The following PRR11 variants were observed in gnomAD, a reference collection of about 807,000 sequenced individuals.
PRR11 encodes the protein proline-rich protein 11.
Under a neutral mutation model 45.6 loss-of-function variants are expected in PRR11, and 30 were observed. That is an observed-to-expected ratio of 0.66 (90% confidence interval 0.49 to 0.89). PRR11 has a LOEUF of 0.89. PRR11 is among the 40% of genes least tolerant of loss of function. The pLI is 0.00. For synonymous variants in PRR11, 128 were observed against 153.5 expected, an observed-to-expected ratio of 0.83 and a Z score of 1.23; for missense variants, 373 against 424.8, an observed-to-expected ratio of 0.88 and a Z score of 1.07.
rs58983044 is a variant in PRR11, at chr17:59,162,213, GACACAC to G, written c.-6+6440_-6+6445del. Among the ~76,000 whole-genome samples the G allele has an allele frequency of 2.8e-3, 388 of 139,568 alleles. 4 individuals carry two copies. In the East Asian group the frequency reaches 0.047, roughly 17 times the overall value. 91.6% of individuals were successfully genotyped at this position (139,568 alleles called of 152,430 possible). On this transcript the variant is annotated intron_variant, in intron 1 of 9. Transcript: ENST00000262293. Reference sequence around the variant, plus strand: ...ATAGAAGCACTAATAACCCAAGTCAGACACACACACACACACACACACACACACACA... The same window carrying G: ...ATAGAAGCACTAATAACCCAAGTCAGACACACACACACACACACACACACA...
rs746371496 is a variant in PRR11 at position 59,185,479 on chromosome 17, A to G, written c.319A>G (p.Ile107Val). ...VLKDTIFPSR[I>V]CHRELYSVKQ... ...GAAAGACACCATCTTTCCATCTCGT[A>G]TCTGCCACCGAGAACTTTACAGTGT... Residue 107 changes from isoleucine (I) to valine (V), a missense_variant, in exon 4 of 10, where the codon ATC (isoleucine) becomes GTC (valine). Physicochemically the swap from Ile to Val is conservative, Grantham distance 29. Transcript: ENST00000262293. 2 of 1,605,484 alleles carry G rather than the reference A, an allele frequency of 1.2e-6. No homozygotes were observed. Among genetic ancestry groups the G allele is most frequent in the Non-Finnish European group, 1.7e-6 (2 of 1,174,972 alleles).
chr17:59,194,946 G>A, intron 6 of PRR11, 91 bp downstream of exon 6: 1 of 1,023,296 alleles, frequency 9.8e-7, no homozygotes, highest in Non-Finnish European at 1.5e-6. Flanking sequence ...GACCAAGGTG[G>A]GAGGATCACC....
At chr17:59,179,790 C>A in intron 2 of PRR11, 6 of 1,362,258 alleles carry the variant, frequency 4.4e-6, no homozygotes, top group Non-Finnish European at 6.2e-6. Context: ...TCTGGCTCCT[C>A]CTCCGATGAC....
In PRR11 at chr17:59,165,802, A is replaced by C. The variant is rs554438831; in HGVS notation, c.-5-3946A>C. On this transcript the variant is annotated intron_variant, in intron 1 of 9. Coordinates refer to ENST00000262293, the MANE Select transcript of PRR11 (RefSeq NM_018304.4). ...AGCAAAACTCTGTCTCAAAAAAAAA[A>C]CAAAAACAAACAAAACAAAAAAATC... Among the ~76,000 whole-genome samples the C allele has an allele frequency of 1.9e-3, 284 of 152,256 alleles. 1 individual carries two copies. Among genetic ancestry groups the C allele is most frequent in the African/African-American group, 6.4e-3 (268 of 41,562 alleles).
At chr17:59,184,282 TGA>T (rs879439701) in intron 2 of PRR11, among the ~76,000 whole-genome samples, 2 of 151,912 alleles carry the variant, frequency 1.3e-5, no homozygotes, top group Non-Finnish European at 2.9e-5. Context: ...GCCAACATGG[TGA>T]AACCCCGTCT....
chr17:59,168,542 G>A (rs921601555), intron 1 of PRR11, among the ~76,000 whole-genome samples: 16 of 151,810 alleles, frequency 1.1e-4, no homozygotes, highest in African/African-American at 3.9e-4. Flanking sequence ...TTGGGATTAC[G>A]CCACCAGTGT....
At chr17:59,171,877 A>G (rs2046710750) in intron 2 of PRR11, among the ~76,000 whole-genome samples, 1 of 152,088 alleles carries the variant, frequency 6.6e-6, no homozygotes, top group East Asian at 1.9e-4. Context: ...GGGCACATAT[A>G]ATAATACAGA....
rs139420364 is a variant in PRR11 at position 59,157,800 on chromosome 17, G to A, written c.-6+1995G>A. 2.0e-5 allele frequency among the ~76,000 whole-genome samples: 3 copies of A among 152,060 alleles called. No homozygotes were observed. The South Asian group carries it at 6.2e-4, about 31-fold the overall frequency. ...TAGCATAGTACTTGGTGGATTATAAGCACTCAACTAATATCTATAAGATAA... is the reference window on the plus strand; with the variant it reads ...TAGCATAGTACTTGGTGGATTATAAACACTCAACTAATATCTATAAGATAA... On this transcript the variant is annotated intron_variant, in intron 1 of 9. Coordinates refer to ENST00000262293, the MANE Select transcript of PRR11 (RefSeq NM_018304.4).
At chr17:59,184,940 C>T (rs982393578) in intron 2 of PRR11, 114 bp from the exon 3 acceptor site, 4 of 733,374 alleles carry the variant, frequency 5.5e-6, no homozygotes, top group Non-Finnish European at 8.0e-6. Context: ...CAAGCAATCT[C>T]CTCACCTCAG....
chr17:59,155,986 TTA>T (rs2046621355), intron 1 of PRR11, among the ~76,000 whole-genome samples, 181 bp downstream of exon 1: 1 of 152,178 alleles, frequency 6.6e-6, no homozygotes, highest in Admixed American at 6.6e-5. Context: ...TGGCTTCATC[TTA>T]ACCATACTTC....
intron 1 of PRR11, among the ~76,000 whole-genome samples, chr17:59,167,676 C>G (rs1396757981): frequency 6.6e-6 from 1 of 152,160 alleles, no homozygotes; most frequent in Non-Finnish European, 1.5e-5. Flanking sequence ...TTTCCCAGAA[C>G]TGAGGGTTCC....
At chr17:59,159,095 C>T (rs1288606185) in intron 1 of PRR11, among the ~76,000 whole-genome samples, 3 of 152,220 alleles carry the variant, frequency 2.0e-5, no homozygotes, top group Admixed American at 6.5e-5. Context: ...GCTGGGATTA[C>T]AGGTGTGAGC....
intron 4 of PRR11, among the ~76,000 whole-genome samples, chr17:59,189,569 A>G (rs2046831523): frequency 6.6e-6 from 1 of 152,156 alleles, no homozygotes; most frequent in African/African-American, 2.4e-5. Context: ...CCTGACCTCA[A>G]GTGATCTGCC....
intron 2 of PRR11, chr17:59,178,429 A>G (rs1305730022): frequency 2.0e-6 from 1 of 489,504 alleles, no homozygotes; most frequent in African/African-American, 1.9e-5. Flanking sequence ...TCCCCCTGGC[A>G]GTGCACTGAA....
intron 1 of PRR11, among the ~76,000 whole-genome samples, chr17:59,161,237 T>C (rs1209905683): frequency 6.6e-6 from 1 of 151,630 alleles, no homozygotes; most frequent in Non-Finnish European, 1.5e-5. Context: ...CGAAACCCCA[T>C]CTCTACTAAA....
intron 2 of PRR11, among the ~76,000 whole-genome samples, chr17:59,176,257 A>T (rs1034200902): frequency 2.0e-5 from 3 of 152,136 alleles, no homozygotes; most frequent in African/African-American, 4.8e-5. Context: ...TTGGTTGTAG[A>T]GATTATAGAG....
At chr17:59,173,645 C>T (rs960028858) in intron 2 of PRR11, among the ~76,000 whole-genome samples, 12 of 152,216 alleles carry the variant, frequency 7.9e-5, no homozygotes, top group South Asian at 2.1e-4. Flanking sequence ...GAACAAACTC[C>T]GGACACGCCA....
chr17:59,195,664 C>T (rs750855451), intron 7 of PRR11, among the ~76,000 whole-genome samples: 1 of 152,136 alleles, frequency 6.6e-6, no homozygotes, highest in South Asian at 2.1e-4. Flanking sequence ...TGTTAACATA[C>T]TGCTGTTTAT....
intron 1 of PRR11, among the ~76,000 whole-genome samples, chr17:59,160,539 C>T (rs1205377486): frequency 1.3e-5 from 2 of 152,144 alleles, no homozygotes; most frequent in Non-Finnish European, 2.9e-5. Context: ...TCCCAAAGTG[C>T]TGGAATTACA....
Sources: allele counts gnomAD v4.1 joint callset (sites outside exome capture counted in the v4.1 genomes callset), GRCh38; gene constraint gnomAD v4.1.1; transcripts MANE v1.5; gene names NCBI Gene and HGNC (gene_info 2026-07-23, HGNC 2026-07-21).